TIAM1: variants seen among roughly 807,000 people sequenced by gnomAD.
The protein encoded by TIAM1 is rho guanine nucleotide exchange factor TIAM1.
Under a neutral mutation model 163.5 loss-of-function variants are expected in TIAM1, and 65 were observed. The observed-to-expected ratio is 0.40, with a 90% CI of 0.33 to 0.49. The LOEUF (loss-of-function observed/expected upper bound fraction) is 0.49. Among genes scored for constraint, TIAM1 ranks in the 20% least tolerant of loss-of-function variants. TIAM1 has a pLI of 0.77. For synonymous variants in TIAM1, 833 were observed against 810.1 expected, an observed-to-expected ratio of 1.03 and a Z score of -0.48; for missense variants, 1,789 against 2,044.7, an observed-to-expected ratio of 0.87 and a Z score of 2.41.
intron 2 of TIAM1, among the ~76,000 whole-genome samples, chr21:31,402,889 T>C (rs974992651): frequency 6.6e-6 from 1 of 152,052 alleles, no homozygotes; most frequent in Admixed American, 6.5e-5. Context: ...GAGGCAGAGC[T>C]TGCAGTAAGC....
chr21:31,422,070 C>T (rs1280173612), intron 2 of TIAM1, among the ~76,000 whole-genome samples: 1 of 152,132 alleles, frequency 6.6e-6, no homozygotes, highest in East Asian at 1.9e-4. Flanking sequence ...GCATGCCTTG[C>T]CAACACCTTG....
chr21:31,480,905 C>G (rs1432413361), intron 1 of TIAM1, among the ~76,000 whole-genome samples: 1 of 152,120 alleles, frequency 6.6e-6, no homozygotes, highest in Non-Finnish European at 1.5e-5. Flanking sequence ...AGACATGAGC[C>G]CCCACGCCCA....
chr21:31,273,947 G>A (rs534922232), intron 3 of TIAM1, among the ~76,000 whole-genome samples: 1 of 152,324 alleles, frequency 6.6e-6, no homozygotes, highest in Non-Finnish European at 1.5e-5. Context: ...TGCTGGGCAT[G>A]GTGGCTCATG....
chr21:31,373,477 C>A (rs1227752523), intron 2 of TIAM1, among the ~76,000 whole-genome samples: 1 of 152,108 alleles, frequency 6.6e-6, no homozygotes, highest in Non-Finnish European at 1.5e-5. Context: ...GAGAGACAAG[C>A]AAAAGCAGAA....
At chr21:31,310,334 T>C (rs1055636750) in intron 2 of TIAM1, among the ~76,000 whole-genome samples, 1 of 152,060 alleles carries the variant, frequency 6.6e-6, no homozygotes, top group Non-Finnish European at 1.5e-5. Flanking sequence ...CTTGGGTCCT[T>C]GTATGACCAC....
chr21:31,428,761 T>G (rs1482618749), intron 2 of TIAM1, among the ~76,000 whole-genome samples: 2 of 151,524 alleles, frequency 1.3e-5, no homozygotes, highest in East Asian at 4.0e-4. Context: ...CACATGCCTG[T>G]AGTCTCAGCT....
chr21:31,305,429 A>C (rs866725103), intron 2 of TIAM1, among the ~76,000 whole-genome samples: 1 of 152,186 alleles, frequency 6.6e-6, no homozygotes, highest in African/African-American at 2.4e-5. Context: ...AAATAAAAAA[A>C]AAAAAAAAAC....
At position 31,119,954 on chromosome 21, in the gene TIAM1, AAG is replaced by A. The variant is rs1215164000; in HGVS notation, c.*412_*413del. ...TGTACACATTTCATTTTGTGTGTGA[AAG>A]AGGTTTCCCCAGCTAGGAGACTGAT... On this transcript the variant is annotated 3_prime_UTR_variant, in exon 28 of 28. Coordinates refer to ENST00000541036, the MANE Select transcript of TIAM1 (RefSeq NM_001353694.2). The A allele has an allele frequency of 1.3e-5, 2 of 157,582 alleles. No homozygotes were observed. The highest frequency in any genetic ancestry group is 4.8e-5 in the African/African-American group (2 of 41,604). 9.8% of individuals were successfully genotyped at this position (157,582 alleles called of 1,614,324 possible).
At chr21:31,134,849 AG>A (rs1479002874) in intron 23 of TIAM1, among the ~76,000 whole-genome samples, 1 of 152,168 alleles carries the variant, frequency 6.6e-6, no homozygotes, top group Admixed American at 6.5e-5. Context: ...CAACAGCTAC[AG>A]GGGCTCTTTG....
rs926052081 is a variant in TIAM1 at position 31,141,534 on chromosome 21, G to A, written c.3476-30C>T. On this transcript the variant is annotated intron_variant, in intron 20 of 27. Transcript: ENST00000541036. This position sits in a 1 kb window ranked among gnomAD's most constrained non-coding sequence, Gnocchi z 4.7. ...CAGGGTTTAAACACAGGTCATGGGGGTGGAACGCCCACGTGACTCCCTTCC... is the reference window on the plus strand; with the variant it reads ...CAGGGTTTAAACACAGGTCATGGGGATGGAACGCCCACGTGACTCCCTTCC... 1.9e-6 allele frequency: 3 copies of A among 1,606,150 alleles called. No homozygotes were observed. The African/African-American group carries it at 4.0e-5, about 21-fold the overall frequency.
intron 1 of TIAM1, among the ~76,000 whole-genome samples, chr21:31,545,135 T>C (rs2048447708): frequency 6.6e-6 from 1 of 152,208 alleles, no homozygotes; most frequent in Non-Finnish European, 1.5e-5. Flanking sequence ...GGCTGGGCCC[T>C]ACAGCCAATA....
At chr21:31,259,139 C>CTTTTTTTTTT (rs11381586) in intron 4 of TIAM1, among the ~76,000 whole-genome samples, 1 of 150,248 alleles carries the variant, frequency 6.7e-6, no homozygotes. Flanking sequence ...TTTTTTTTTC[C>CTTTTTTTTTT]TTTTTCTTTT....
chr21:31,320,720 G>A (rs1013563694), intron 2 of TIAM1, among the ~76,000 whole-genome samples: 3 of 152,176 alleles, frequency 2.0e-5, no homozygotes, highest in South Asian at 2.1e-4. Flanking sequence ...TGGGCTGGGC[G>A]CGGCGGCTCA....
rs376357163 is a variant in TIAM1 at position 31,195,179 on chromosome 21, A to T, written c.2575+45T>A. ...CTGTAAATAAATGCATGCTTACATA[A>T]GAAATACTTTACCTTAAAACACAAA... On this transcript the variant is annotated intron_variant, in intron 13 of 27. Coordinates refer to ENST00000541036, the MANE Select transcript of TIAM1 (RefSeq NM_001353694.2). The T allele has an allele frequency of 2.1e-5, 31 of 1,479,156 alleles. No individual in the cohort carries two copies. The African/African-American group carries it at 4.2e-4, about 20-fold the overall frequency. The allele number at this position is 1,479,156 out of a possible 1,614,324, so 91.6% of individuals were successfully genotyped here. A position where few individuals can be genotyped will look rare whatever the true frequency, so the allele number is the denominator to read the frequency against.
At chr21:31,297,063 T>C (rs1490551341) in intron 2 of TIAM1, among the ~76,000 whole-genome samples, 1 of 152,184 alleles carries the variant, frequency 6.6e-6, no homozygotes, top group Non-Finnish European at 1.5e-5. Flanking sequence ...AGAGGAACGT[T>C]CTAGGGATAC....
intron 2 of TIAM1, among the ~76,000 whole-genome samples, chr21:31,371,582 C>T (rs1438142875): frequency 1.3e-5 from 2 of 152,152 alleles, no homozygotes; most frequent in African/African-American, 2.4e-5. Flanking sequence ...ACAAGAGCAA[C>T]GTTTCTCTAG....
intron 2 of TIAM1, among the ~76,000 whole-genome samples, chr21:31,404,276 A>C (rs757434653): frequency 6.6e-6 from 1 of 152,206 alleles, no homozygotes; most frequent in Non-Finnish European, 1.5e-5. Context: ...CAAGACCATA[A>C]ATGAAAATAA....
intron 1 of TIAM1, among the ~76,000 whole-genome samples, chr21:31,547,813 C>T (rs1009674379): frequency 2.6e-5 from 4 of 152,046 alleles, no homozygotes; most frequent in Non-Finnish European, 4.4e-5. Flanking sequence ...TAATAATCAC[C>T]CAGCAATATA....
chr21:31,260,186 T>G (rs2072377391), intron 4 of TIAM1, among the ~76,000 whole-genome samples: 1 of 146,428 alleles, frequency 6.8e-6, no homozygotes, highest in Non-Finnish European at 1.5e-5. Context: ...TATAAATAAA[T>G]AAATAAATAT....
Sources: gnomAD v4.1 joint callset for allele counts (sites outside exome capture counted in the v4.1 genomes callset) on GRCh38, gnomAD v4.1.1 for gene constraint, Gnocchi (gnomAD v3.1) non-coding constraint, MANE v1.5 for transcripts, NCBI Gene and HGNC (gene_info 2026-07-23, HGNC 2026-07-21) for gene names.